The following ZNF717 variants were observed in gnomAD, a reference collection of about 807,000 sequenced individuals.
ZNF717 encodes krueppel-like factor X17.
In ZNF717, 9 loss-of-function variants were observed where a neutral mutation model predicts 13.8. That is an observed-to-expected ratio of 0.65 (90% CI 0.39 to 1.14). The LOEUF (loss-of-function observed/expected upper bound fraction) is 1.14. Ranked by LOEUF, ZNF717 falls within the 50% of genes most tolerant of loss-of-function variation. The pLI is 0.01. For synonymous variants in ZNF717, 327 were observed against 364.1 expected, an observed-to-expected ratio of 0.90 and a Z score of 1.16; for missense variants, 1,040 against 1,080.7, an observed-to-expected ratio of 0.96 and a Z score of 0.53.
At chr3:75,744,169 T>C (rs542477631) in intron 2 of ZNF717, among the ~76,000 whole-genome samples, 3 of 152,334 alleles carry the variant, frequency 2.0e-5, no homozygotes, top group Admixed American at 2.0e-4. Flanking sequence ...AGTTCAATAT[T>C]CGGAAGTCTA....
At chr3:75,753,284 C>T (rs1224329552) in intron 2 of ZNF717, among the ~76,000 whole-genome samples, 3 of 151,392 alleles carry the variant, frequency 2.0e-5, no homozygotes, top group Non-Finnish European at 4.4e-5. Context: ...CATTCCAGCA[C>T]ACTGCTATGA....
At chr3:75,739,454 AAAAAT>A in intron 4 of ZNF717, 109 bp from the exon 5 acceptor site, 1 of 648,044 alleles carries the variant, frequency 1.5e-6, no homozygotes, top group Non-Finnish European at 2.3e-6. Context: ...AAGATTTGAC[AAAAAT>A]AAATATGGGT....
intron 5 of ZNF717, among the ~76,000 whole-genome samples, chr3:75,713,295 C>T (rs1201531158): frequency 2.0e-5 from 3 of 151,984 alleles, no homozygotes; most frequent in Admixed American, 1.3e-4. Context: ...GGACTACAGG[C>T]ATGTGTCACC....
intron 5 of ZNF717, chr3:75,730,740 T>C (rs1173326676): frequency 6.1e-5 from 38 of 621,488 alleles, no homozygotes; most frequent in African/African-American, 5.2e-4. Flanking sequence ...GAAATACTAA[T>C]ATTTACAAAC....
chr3:75,751,356 G>C (rs1287768392), intron 2 of ZNF717, among the ~76,000 whole-genome samples: 3 of 151,548 alleles, frequency 2.0e-5, no homozygotes, highest in African/African-American at 2.4e-5. Flanking sequence ...AGGAGCATCT[G>C]AATGCTTGTC....
rs1940381489 is a variant in ZNF717, at chr3:75,741,213, C to T, written c.277+63G>A. ...GAAAAAAGTGGTGAAAACAAGATAA[C>T]ACTACAAAAATTTGCTGGGCATTAC... On this transcript the variant is annotated intron_variant, in intron 4 of 4. Transcript: ENST00000652011. 10 of 983,326 alleles carry T rather than the reference C, an allele frequency of 1.0e-5. No homozygotes were observed. The Admixed American group carries it at 2.0e-4, about 20-fold the overall frequency. 60.9% of individuals were successfully genotyped at this position (983,326 alleles called of 1,614,324 possible).
chr3:75,768,862 C>G (rs1430022637), intron 2 of ZNF717, among the ~76,000 whole-genome samples: 1 of 152,004 alleles, frequency 6.6e-6, no homozygotes, highest in African/African-American at 2.4e-5. Flanking sequence ...CCACCACAAC[C>G]TGATTCAGTC....
intron 5 of ZNF717, among the ~76,000 whole-genome samples, chr3:75,714,603 C>T (rs1405531271): frequency 5.0e-4 from 76 of 151,936 alleles, no homozygotes; most frequent in Non-Finnish European, 9.7e-4. Context: ...CAGTCTCTTG[C>T]CTCGGCACCT....
intron 2 of ZNF717, among the ~76,000 whole-genome samples, chr3:75,779,468 A>G (rs535131418): frequency 5.3e-5 from 8 of 151,044 alleles, no homozygotes; most frequent in African/African-American, 1.9e-4. Context: ...AAAGGGAGTG[A>G]TGTGCTAAAC....
intron 1 of ZNF717, chr3:75,784,719 C>CAA (rs1242176211): frequency 6.6e-6 from 1 of 152,200 alleles, no homozygotes; most frequent in Non-Finnish European, 1.5e-5. Context: ...CTAGTCTTTG[C>CAA]AAATCTTGTG....
chr3:75,778,086 A>C (rs1173754178), intron 2 of ZNF717, among the ~76,000 whole-genome samples: 1 of 152,088 alleles, frequency 6.6e-6, no homozygotes, highest in Non-Finnish European at 1.5e-5. Context: ...CAGATACCCA[A>C]AACAATGGGA....
chr3:75,776,791 C>T (rs1291690525), intron 2 of ZNF717, among the ~76,000 whole-genome samples: 2 of 152,092 alleles, frequency 1.3e-5, no homozygotes, highest in African/African-American at 4.8e-5. Flanking sequence ...GATCACAGTT[C>T]GAGGCTTCTC....
chr3:75,710,051 A>G (rs1937898639), exon 6 of ZNF717: 1 of 152,184 alleles, frequency 6.6e-6, no homozygotes, highest in Non-Finnish European at 1.5e-5. Flanking sequence ...TTCATTATTA[A>G]GTTCGATTTT....
At chr3:75,733,090 A>G (rs1445708731), downstream of ZNF717, among the ~76,000 whole-genome samples, 2 of 152,292 alleles carry the variant, frequency 1.3e-5, no homozygotes, top group East Asian at 3.9e-4. Flanking sequence ...AGACCTGAAG[A>G]ATGTCTTTGA....
chr3:75,780,738 T>C (rs1437658876), intron 2 of ZNF717, among the ~76,000 whole-genome samples: 2 of 152,248 alleles, frequency 1.3e-5, no homozygotes, highest in East Asian at 1.9e-4. Flanking sequence ...TGCGAGGCCA[T>C]TGTTTTAAAC....
chr3:75,775,457 C>T (rs988738599), intron 2 of ZNF717, among the ~76,000 whole-genome samples: 9 of 152,156 alleles, frequency 5.9e-5, no homozygotes, highest in African/African-American at 2.2e-4. Flanking sequence ...ATGAAAAGGA[C>T]CCTGAAAAAC....
chr3:75,731,949 A>G (rs1938595377), downstream of ZNF717: 1 of 651,748 alleles, frequency 1.5e-6, no homozygotes, highest in Non-Finnish European at 2.8e-6. Context: ...CTGGAGTAGA[A>G]AATCTTGAAC....
downstream of ZNF717, among the ~76,000 whole-genome samples, chr3:75,706,753 C>T (rs1937810868): frequency 6.6e-6 from 1 of 152,312 alleles, no homozygotes; most frequent in South Asian, 2.1e-4. Flanking sequence ...GGAGGAGACT[C>T]AGGTGACTCT....
At chr3:75,758,345 A>G (rs73843063) in intron 2 of ZNF717, among the ~76,000 whole-genome samples, 18 of 150,396 alleles carry the variant, frequency 1.2e-4, no homozygotes, top group Non-Finnish European at 2.1e-4. Flanking sequence ...CAAAGAAAGT[A>G]GTTTCTTGAG....
Sources: allele counts gnomAD v4.1 joint callset (sites outside exome capture counted in the v4.1 genomes callset), GRCh38; gene constraint gnomAD v4.1.1; transcripts MANE v1.5; gene names NCBI Gene and HGNC (gene_info 2026-07-23, HGNC 2026-07-21).